Variants in DSCAM observed in about 807,000 individuals in gnomAD.
DSCAM encodes DS cell adhesion molecule, also known as cell adhesion molecule DSCAM.
DSCAM carries 47 observed loss-of-function variants against 217.7 expected under a neutral mutation model. The ratio of observed to expected loss-of-function variants is 0.22; its 90% CI spans 0.17 to 0.28. The LOEUF is 0.28. DSCAM is among the 10% of genes least tolerant of loss of function. The probability of loss-of-function intolerance (pLI) is 1.00; values close to 1 mark genes in which losing one functional copy is unlikely to be tolerated. For synonymous variants in DSCAM, 1,056 were observed against 1,015.3 expected (o/e 1.04, Z -0.76); for missense variants, 2,080 against 2,618.3 (o/e 0.79, Z 4.49).
intron 3 of DSCAM, among the ~76,000 whole-genome samples, chr21:40,467,473 T>C (rs188443249): frequency 4.6e-4 from 70 of 152,348 alleles, no homozygotes; most frequent in African/African-American, 1.5e-3. Flanking sequence ...TTCAGGAATA[T>C]GTAGCTTTCT....
chr21:40,686,830 G>A (rs771867740), intron 3 of DSCAM, among the ~76,000 whole-genome samples: 1 of 152,154 alleles, frequency 6.6e-6, no homozygotes, highest in Non-Finnish European at 1.5e-5. Flanking sequence ...TAAACAACCA[G>A]CTTTTAATTA....
At chr21:40,219,921 G>A (rs1255075904) in intron 11 of DSCAM, among the ~76,000 whole-genome samples, 1 of 152,158 alleles carries the variant, frequency 6.6e-6, no homozygotes, top group Non-Finnish European at 1.5e-5. Context: ...TATGTTTGGT[G>A]CAGTTCAGAC....
chr21:40,271,562 G>C (rs2073617317), intron 11 of DSCAM, among the ~76,000 whole-genome samples: 1 of 152,216 alleles, frequency 6.6e-6, no homozygotes. Flanking sequence ...TTTTGGAGCT[G>C]TGAAAGGAAA....
chr21:40,791,151 C>A, intron 1 of DSCAM, among the ~76,000 whole-genome samples: 1 of 123,228 alleles, frequency 8.1e-6, no homozygotes, highest in African/African-American at 2.8e-5. Context: ...AGCGAGACTT[C>A]ATCTCAAAAA....
chr21:40,484,248 A>C (rs62225501), intron 3 of DSCAM, among the ~76,000 whole-genome samples: 28,479 of 152,216 alleles, frequency 0.19, 2,901 homozygotes, highest in African/African-American at 0.26. Flanking sequence ...GGAAGTGGGC[A>C]GAAATTGAGT....
intron 3 of DSCAM, among the ~76,000 whole-genome samples, chr21:40,541,649 A>C (rs1472340687): frequency 6.6e-6 from 1 of 152,180 alleles, no homozygotes; most frequent in Non-Finnish European, 1.5e-5. Context: ...AATGCATATA[A>C]GTGCGTAAGT....
At chr21:40,411,593 C>CA (rs1331081051) in intron 3 of DSCAM, among the ~76,000 whole-genome samples, 4 of 151,912 alleles carry the variant, frequency 2.6e-5, no homozygotes, top group Non-Finnish European at 5.9e-5. Context: ...ATAAGGCAAA[C>CA]AAAAAATCTC....
intron 3 of DSCAM, among the ~76,000 whole-genome samples, chr21:40,597,034 TAA>T (rs897678511): frequency 6.6e-5 from 10 of 152,216 alleles, no homozygotes; most frequent in Non-Finnish European, 1.2e-4. Context: ...CATTTGTAAT[TAA>T]GATTATAGCT....
intron 3 of DSCAM, among the ~76,000 whole-genome samples, chr21:40,596,561 TA>T (rs2077022701): frequency 6.6e-6 from 1 of 152,190 alleles, no homozygotes. Flanking sequence ...GGTTGGAAAG[TA>T]TAATTATGCC....
At chr21:40,657,581 C>T (rs573530271) in intron 3 of DSCAM, among the ~76,000 whole-genome samples, 1 of 152,162 alleles carries the variant, frequency 6.6e-6, no homozygotes, top group Non-Finnish European at 1.5e-5. Context: ...CGCAGCTACA[C>T]CCTTTGGTGA....
intron 1 of DSCAM, among the ~76,000 whole-genome samples, chr21:40,831,928 A>AT (rs141704218): frequency 4.0e-3 from 607 of 152,340 alleles, no homozygotes; most frequent in Non-Finnish European, 5.7e-3. Context: ...TAACATAATC[A>AT]TTTTCAGCTT....
intron 30 of DSCAM, among the ~76,000 whole-genome samples, chr21:40,051,302 A>G (rs2088926779): frequency 6.6e-6 from 1 of 152,248 alleles, no homozygotes; most frequent in Non-Finnish European, 1.5e-5. Flanking sequence ...CTAGATACAT[A>G]TTAGGGGATT....
chr21:40,702,204 AT>A (rs2090664067), intron 2 of DSCAM, among the ~76,000 whole-genome samples: 1 of 151,970 alleles, frequency 6.6e-6, no homozygotes, highest in Admixed American at 6.5e-5. Context: ...AGCACAGGGG[AT>A]TTTTAGGGCA....
chr21:40,369,759 T>G (rs1414134796), intron 3 of DSCAM, among the ~76,000 whole-genome samples: 4 of 152,168 alleles, frequency 2.6e-5, no homozygotes, highest in African/African-American at 9.7e-5. Context: ...CAATAAAATA[T>G]TCTACAAACT....
chr21:40,218,415 G>A (rs1429498894), intron 11 of DSCAM, among the ~76,000 whole-genome samples: 1 of 152,186 alleles, frequency 6.6e-6, no homozygotes, highest in Non-Finnish European at 1.5e-5. Flanking sequence ...AGAGTTTGAA[G>A]TTGGGTAACG....
chr21:40,449,122 C>T (rs905308990), intron 3 of DSCAM, among the ~76,000 whole-genome samples: 3 of 152,148 alleles, frequency 2.0e-5, no homozygotes, highest in Non-Finnish European at 4.4e-5. Context: ...TCTGTAGTCA[C>T]GCCTCCCTCT....
chr21:40,150,515 G>T (rs998878929), intron 16 of DSCAM, among the ~76,000 whole-genome samples: 1 of 152,294 alleles, frequency 6.6e-6, no homozygotes, highest in Admixed American at 6.5e-5. Flanking sequence ...ATCCATAAAT[G>T]TAGGGATTTT....
At chr21:40,052,551 C>T (rs372203037) in intron 29 of DSCAM, among the ~76,000 whole-genome samples, 7 of 152,144 alleles carry the variant, frequency 4.6e-5, no homozygotes, top group Non-Finnish European at 7.3e-5. Context: ...ACTAGAAAAT[C>T]GCCACTACAG....
intron 1 of DSCAM, among the ~76,000 whole-genome samples, chr21:40,722,166 G>A (rs561617864): frequency 3.7e-4 from 56 of 152,032 alleles, no homozygotes; most frequent in Non-Finnish European, 6.9e-4. Flanking sequence ...TACAAAAATC[G>A]TTAAAATCTT....
Sources: allele counts gnomAD v4.1 joint callset (sites outside exome capture counted in the v4.1 genomes callset), GRCh38; gene constraint gnomAD v4.1.1; transcripts MANE v1.5; gene names NCBI Gene and HGNC (gene_info 2026-07-23, HGNC 2026-07-21).